The following FLNC variants were observed in gnomAD, a reference collection of about 807,000 sequenced individuals.
FLNC encodes filamin-C.
FLNC carries 91 observed loss-of-function variants against 254.3 expected under a neutral mutation model. That is an observed-to-expected ratio of 0.36 (90% CI 0.30 to 0.43). FLNC has a LOEUF of 0.43. Among genes scored for constraint, FLNC ranks in the 20% least tolerant of loss-of-function variants. The probability of loss-of-function intolerance (pLI) is 1.00; values close to 1 mark genes in which losing one functional copy is unlikely to be tolerated. For synonymous variants in FLNC, 1,430 were observed against 1,577.2 expected (o/e 0.91, Z 2.21); for missense variants, 2,853 against 3,802.6 (o/e 0.75, Z 6.57).
At chr7:128,848,457 C>T in intron 26 of FLNC, 104 bp from the exon 27 acceptor site, 1 of 1,246,368 alleles carries the variant, frequency 8.0e-7, no homozygotes, top group Non-Finnish European at 1.2e-6. Context: ...ACAGTCCTCC[C>T]TCCTGCCCAT....
rs895373758 is a variant in FLNC at position 128,837,671 on chromosome 7, T to C, written c.885T>C (p.Pro295=). 6.2e-7 allele frequency: 1 copy of C among 1,612,388 alleles called. No individual in the cohort carries two copies. ...CACAGGGCAACACCGTGCTGCAGCC[T>C]GCCCACTTCACCGTGCAGACGGTGG... The part of the protein sequence containing the change: ...IEPQGNTVLQ[P]AHFTVQTVDA... Residue 295 remains proline (P), a synonymous_variant, in exon 5 of 48, where the codon CCT becomes CCC. Transcript: ENST00000325888.
In FLNC at chr7:128,845,023, G is replaced by A. The variant is rs774467047; in HGVS notation, c.3558G>A (p.Ala1186=). 80 of 1,613,650 alleles carry A rather than the reference G, an allele frequency of 5.0e-5. No individual in the cohort carries two copies. Among genetic ancestry groups the A allele is most frequent in the Middle Eastern group, 1.6e-4 (1 of 6,084 alleles). ...TGGACTGCTCAGAGGCAGGCGAGGC[G>A]GAGCTGACCATTGAGATCCTGTCGG... ...FTVDCSEAGE[A]ELTIEILSDA... Residue 1186 remains alanine (A), a synonymous_variant, in exon 21 of 48, where the codon GCG becomes GCA. Transcript: ENST00000325888.
In FLNC at chr7:128,842,923, G is replaced by A. The variant is rs376472014; in HGVS notation, c.2519G>A (p.Arg840His). The A allele has an allele frequency of 2.5e-5, 41 of 1,613,874 alleles. No individual in the cohort carries two copies. Among genetic ancestry groups the A allele is most frequent in the Non-Finnish European group, 3.3e-5 (39 of 1,180,042 alleles). The change falls in exon 16 of 48, where the codon CGC becomes CAC. Residue 840 changes from arginine to histidine, a missense_variant. Arg to His is a conservative substitution (Grantham distance 29). This residue lies in a region of FLNC where 1,573 missense variants were observed against 1,883.5 expected (regional missense o/e 0.84). Transcript: ENST00000325888. The surrounding 1 kb of genome is among the most constrained non-coding windows in gnomAD (Gnocchi z 5.4). Reference protein sequence around the residue: ...TVKYTPPGAGRYTIMVLFANQ... With the variant: ...TVKYTPPGAGHYTIMVLFANQ... ...AAGTACACGCCACCAGGGGCGGGCC[G>A]CTACACCATCATGGTGCTGTTTGCC...
intron 33 of FLNC, 92 bp from the exon 34 acceptor site, chr7:128,851,140 T>A: frequency 6.3e-7 from 1 of 1,596,700 alleles, no homozygotes; most frequent in South Asian, 1.1e-5. Context: ...ACGGAGGGGG[T>A]TGGCAGGGAG....
chr7:128,847,216 C>T (rs1585162341), intron 24 of FLNC, among the ~76,000 whole-genome samples: 2 of 152,382 alleles, frequency 1.3e-5, no homozygotes, highest in East Asian at 3.9e-4. Context: ...CAGTCCACTC[C>T]TCTTGGCGGC....
At position 128,856,941 on chromosome 7, in the gene FLNC, G is replaced by A. The variant is rs767029613; in HGVS notation, c.7561+20G>A. 6.2e-7 allele frequency: 1 copy of A among 1,612,624 alleles called. No individual in the cohort carries two copies. Among genetic ancestry groups the A allele is most frequent in the Admixed American group, 1.7e-5 (1 of 59,960 alleles). ...CTACCGGTGAGTGCCTGGAGCTGGG[G>A]AACAGGGTGACTTCTGGGGGTGCTT... On this transcript the variant is annotated intron_variant, in intron 45 of 47. Coordinates refer to ENST00000325888, the MANE Select transcript of FLNC (RefSeq NM_001458.5). This position sits in a 1 kb window ranked among gnomAD's most constrained non-coding sequence, Gnocchi z 5.9.
At chr7:128,849,082 C>A (rs1014175259) in intron 28 of FLNC, 99 bp from the exon 29 acceptor site, 22 of 1,585,272 alleles carry the variant, frequency 1.4e-5, no homozygotes, top group Non-Finnish European at 1.9e-5. Context: ...GGTCGGAGAG[C>A]ACACATGCCC....
chr7:128,857,055 G>A lies in FLNC; in HGVS notation c.7562-63G>A. 1.9e-6 allele frequency: 3 copies of A among 1,580,262 alleles called. No homozygotes were observed. The highest frequency in any genetic ancestry group is 1.7e-4 in the Middle Eastern group (1 of 5,982). On this transcript the variant is annotated intron_variant, in intron 45 of 47. Transcript: ENST00000325888. The surrounding 1 kb of genome is among the most constrained non-coding windows in gnomAD (Gnocchi z 4.5). ...CCACAGAGGCTGTCCAGGGAGCTGG[G>A]GCCCAGTCCCTCTTGGGCCACAAGC...
chr7:128,846,515 T>C (rs977425631), intron 23 of FLNC, 52 bp downstream of exon 23: 2 of 1,588,892 alleles, frequency 1.3e-6, no homozygotes, highest in Non-Finnish European at 1.7e-6. Context: ...TCCCAGCCCC[T>C]GGCCCTCCTC....
Position 128,841,664 on chromosome 7 carries a change from G to A in FLNC, c.2121+97G>A. Reference sequence around the variant, plus strand: ...AGGCAGAGGCCTCCCAGCAGGAAATGACAGCATCACAGAAGATCAGGCAGG... The same window carrying A: ...AGGCAGAGGCCTCCCAGCAGGAAATAACAGCATCACAGAAGATCAGGCAGG... On this transcript the variant is annotated intron_variant, in intron 13 of 47. Transcript: ENST00000325888. This position sits in a 1 kb window ranked among gnomAD's most constrained non-coding sequence, Gnocchi z 4.3. The A allele has an allele frequency of 4.5e-6, 4 of 881,218 alleles. No homozygotes were observed. In the East Asian group the frequency reaches 9.7e-5, roughly 21 times the overall value. 54.6% of individuals were successfully genotyped at this position (881,218 alleles called of 1,614,324 possible). A position where few individuals can be genotyped will look rare whatever the true frequency, so the allele number is the denominator to read the frequency against.
chr7:128,853,027 T>G lies in FLNC; in HGVS notation c.6204T>G (p.Asn2068Lys). 1 of 1,613,064 alleles carries G rather than the reference T, an allele frequency of 6.2e-7. No homozygotes were observed. The highest frequency in any genetic ancestry group is 1.1e-5 in the South Asian group (1 of 91,076). Residue 2068 changes from asparagine (N) to lysine (K), a missense_variant, in exon 37 of 48, where the codon AAT becomes AAG. Asn to Lys is a moderately conservative substitution (Grantham distance 94, BLOSUM62 0). Around this residue, in one of 10 missense-constraint regions of FLNC, gnomAD observed 551 missense variants for 835.0 expected, o/e 0.66. Transcript: ENST00000325888. ...QVAEFIVDTR[N>K]AGYGGLGLSI... ...CAGAGTTCATCGTGGACACTCGCAA[T>G]GCAGGTACCTCCTGCCCCAGAGAGC...
rs1554400935 is a variant in FLNC at position 128,852,745 on chromosome 7, G to A, written c.5997G>A (p.Arg1999=). The change falls in exon 36 of 48, where the codon CGG becomes CGA. Residue 1999 remains arginine, a synonymous_variant. Transcript: ENST00000325888. ...EPCLLKRLPN[R]HIGISFTPKE... ...GCCTGCTGAAGCGCCTGCCCAACCG[G>A]CACATTGGTGAGCGTGGGGCCTCAC... The A allele has an allele frequency of 6.2e-7, 1 of 1,613,118 alleles. No homozygotes were observed.
In FLNC at chr7:128,854,096, C is replaced by A; in HGVS notation, c.6607C>A (p.Arg2203Ser). The A allele has an allele frequency of 6.2e-7, 1 of 1,613,006 alleles. No homozygotes were observed. The highest frequency in any genetic ancestry group is 8.5e-7 in the Non-Finnish European group (1 of 1,179,928). Residue 2203 changes from arginine (R) to serine (S), a missense_variant, in exon 40 of 48, where the codon CGC becomes AGC. Physicochemically the swap from Arg to Ser is moderately radical, Grantham distance 110 (BLOSUM62 -1). Transcript: ENST00000325888. ...ISKTRGGETK[R>S]EVRVEESTQV... is the part of the protein sequence containing the mutation. Reference sequence around the variant, plus strand: ...CAAGACGCGGGGCGGGGAGACAAAGCGCGAGGTGCGGGTGGAGGAGTCCAC... The same window carrying A: ...CAAGACGCGGGGCGGGGAGACAAAGAGCGAGGTGCGGGTGGAGGAGTCCAC...
chr7:128,856,698 T>G lies in FLNC; in HGVS notation c.7385-47T>G. On this transcript the variant is annotated intron_variant, in intron 44 of 47. Coordinates refer to ENST00000325888, the MANE Select transcript of FLNC (RefSeq NM_001458.5). The surrounding 1 kb of genome is among the most constrained non-coding windows in gnomAD (Gnocchi z 5.9). ...AACTCCCTTCCGGGCTGGGGCCTTC[T>G]GGGGAGGGGAAGGATGGAGGCTAAG... 1 of 1,613,972 alleles carries G rather than the reference T, an allele frequency of 6.2e-7. No individual in the cohort carries two copies. Among genetic ancestry groups the G allele is most frequent in the Non-Finnish European group, 8.5e-7 (1 of 1,180,004 alleles).
intron 3 of FLNC, 50 bp downstream of exon 3, chr7:128,837,307 G>T (rs766932770): frequency 6.2e-7 from 1 of 1,608,144 alleles, no homozygotes; most frequent in Non-Finnish European, 8.5e-7. Context: ...GCAGAGGTTG[G>T]GTCTGTAAGT....
In FLNC at chr7:128,837,750, G is replaced by A. The variant is rs1417082178; in HGVS notation, c.964G>A (p.Glu322Lys). The A allele has an allele frequency of 4.4e-6, 7 of 1,575,858 alleles. No homozygotes were observed. The highest frequency in any genetic ancestry group is 1.9e-5 in the Admixed American group (1 of 53,868). Residue 322 changes from glutamate (E) to lysine (K), a missense_variant, in exon 5 of 48, where the codon GAG becomes AAG. Glu to Lys is a moderately conservative substitution (Grantham distance 56). Coordinates refer to ENST00000325888, the MANE Select transcript of FLNC (RefSeq NM_001458.5). Reference protein sequence around the residue: ...VYIEDPEGHTEEAKVVPNNDK... With the variant: ...VYIEDPEGHTKEAKVVPNNDK... Reference sequence around the variant, plus strand: ...CATCGAGGACCCTGAAGGCCACACCGAGGAGGTATGCAGAGGCCGCTGGGG... The same window carrying A: ...CATCGAGGACCCTGAAGGCCACACCAAGGAGGTATGCAGAGGCCGCTGGGG...
chr7:128,849,543 G>T lies in FLNC; in HGVS notation c.5164G>T (p.Gly1722Cys). The T allele has an allele frequency of 6.2e-7, 1 of 1,614,118 alleles. No individual in the cohort carries two copies. Among genetic ancestry groups the T allele is most frequent in the Middle Eastern group, 1.6e-4 (1 of 6,062 alleles). Residue 1722 changes from glycine to cysteine, a missense_variant, in exon 30 of 48, where the codon GGT (glycine) becomes TGT (cysteine). By Grantham distance (159) the Gly-to-Cys change is radical. Transcript: ENST00000325888. ...GTACGTCATCACCATCCGCTTCGGG[G>T]GTGAGCACATCCCCAACAGCCCCTT... ...GKYVITIRFG[G>C]EHIPNSPFHV...
At chr7:128,834,633 T>G (rs1423366515) in intron 1 of FLNC, among the ~76,000 whole-genome samples, 1 of 152,126 alleles carries the variant, frequency 6.6e-6, no homozygotes, top group Admixed American at 6.5e-5. Flanking sequence ...GTTTAAGACC[T>G]TCATTGTAGA....
In FLNC at chr7:128,845,255, G is replaced by A. The variant is rs201335143; in HGVS notation, c.3790G>A (p.Gly1264Ser). 2.2e-5 allele frequency: 35 copies of A among 1,611,646 alleles called. No individual in the cohort carries two copies. Among genetic ancestry groups the A allele is most frequent in the Middle Eastern group, 3.3e-4 (2 of 6,058 alleles). The change falls in exon 21 of 48, where the codon GGT becomes AGT. Residue 1264 changes from glycine to serine, a missense_variant and splice_region_variant. By Grantham distance (56) the Gly-to-Ser change is moderately conservative. This residue lies in a region of FLNC where 1,573 missense variants were observed against 1,883.5 expected (regional missense o/e 0.84). Transcript: ENST00000325888. ...KVSGPGVEPH[G>S]VLREVTTEFT... ...CTCAGGGCCTGGTGTTGAGCCACAC[G>A]GTGAGTGGACAGGAGGAGCCAAGAA...
Sources: allele counts gnomAD v4.1 joint callset (sites outside exome capture counted in the v4.1 genomes callset), GRCh38; gene constraint gnomAD v4.1.1; regional missense constraint gnomAD v4.1.1; non-coding constraint Gnocchi (gnomAD v3.1); transcripts MANE v1.5; gene names NCBI Gene and HGNC (gene_info 2026-07-23, HGNC 2026-07-21).